EEF1D: variants seen among roughly 807,000 people sequenced by gnomAD.
EEF1D encodes the protein elongation factor 1-delta.
In EEF1D, 47 loss-of-function variants were observed where a neutral mutation model predicts 63.9. The ratio of observed to expected loss-of-function variants is 0.74; its 90% CI spans 0.58 to 0.94. The LOEUF (loss-of-function observed/expected upper bound fraction) is 0.94, where lower values mean the gene tolerates loss of function less well. EEF1D is among the 40% of genes least tolerant of loss of function. The pLI is 0.00. For synonymous variants in EEF1D, 412 were observed against 386.1 expected, an observed-to-expected ratio of 1.07 and a Z score of -0.79; for missense variants, 907 against 899.0, an observed-to-expected ratio of 1.01 and a Z score of -0.11.
At position 143,592,632 on chromosome 8, in the gene EEF1D, C is replaced by T; in HGVS notation, c.-1+15G>A. On this transcript the variant is annotated intron_variant, in intron 2 of 9. Transcript: ENST00000618139. The stretch of plus-strand genomic sequence containing the variant: ...AATGAAGGGGAATGGGGCATGAGGA[C>T]AGGCGAGTACTTACTTTGCTTTGGC... 1 of 985,572 alleles carries T rather than the reference C, an allele frequency of 1.0e-6. No individual in the cohort carries two copies. The highest frequency in any genetic ancestry group is 1.2e-6 in the Non-Finnish European group (1 of 830,004). The allele number at this position is 985,572 out of a possible 1,614,324, so 61.1% of individuals were successfully genotyped here.
intron 2 of EEF1D, 64 bp downstream of exon 2, chr8:143,592,583 C>A: frequency 1.0e-6 from 1 of 982,830 alleles, no homozygotes. Flanking sequence ...TCAGGTGCAG[C>A]GAGGGCTGGG....
intron 5 of EEF1D, among the ~76,000 whole-genome samples, chr8:143,584,731 T>A (rs1004882026): frequency 9.2e-5 from 14 of 152,070 alleles, no homozygotes; most frequent in African/African-American, 2.9e-4. Context: ...GAACATGCTG[T>A]TGGTAGGAAT....
chr8:143,594,698 C>CCAGCAGCACCCCTCT (rs1828507386), intron 1 of EEF1D, among the ~76,000 whole-genome samples: 1 of 152,232 alleles, frequency 6.6e-6, no homozygotes, highest in Non-Finnish European at 1.5e-5. Context: ...CCCACCCCTC[C>CCAGCAGCACCCCTCT]CAGCAGCACC....
chr8:143,595,604 C>T (rs890001661), intron 1 of EEF1D, among the ~76,000 whole-genome samples: 8 of 152,222 alleles, frequency 5.3e-5, no homozygotes, highest in Non-Finnish European at 7.3e-5. Flanking sequence ...TGGGAAACGC[C>T]AGCCTGTCCT....
At chr8:143,586,001 G>A (rs1014730624) in intron 5 of EEF1D, 9 of 465,894 alleles carry the variant, frequency 1.9e-5, no homozygotes, top group Admixed American at 3.7e-5. Flanking sequence ...ACCGCCAGCC[G>A]GCAGACGAGG....
Position 143,581,141 on chromosome 8 carries a change from C to T in EEF1D, c.1401G>A (p.Leu467=). The change falls in exon 7 of 10, where the codon CTG becomes CTA. Residue 467 remains leucine, a synonymous_variant. Coordinates refer to ENST00000618139, the MANE Select transcript of EEF1D (RefSeq NM_001130053.5). The part of the protein sequence containing the change: ...NQSLRGVVQE[L]QQAISKLEAR... Reference sequence around the variant, plus strand: ...CCTCCAGCTTGGAGATGGCCTGCTGCAGCTCCTGTACCACTGGGGGGGCAA... The same window carrying T: ...CCTCCAGCTTGGAGATGGCCTGCTGTAGCTCCTGTACCACTGGGGGGGCAA... 6.2e-7 allele frequency: 1 copy of T among 1,612,986 alleles called. No individual in the cohort carries two copies. The highest frequency in any genetic ancestry group is 1.1e-5 in the South Asian group (1 of 91,080).
At chr8:143,585,887 G>T in intron 5 of EEF1D, 1 of 353,902 alleles carries the variant, frequency 2.8e-6, no homozygotes, top group Non-Finnish European at 5.1e-6. Flanking sequence ...TCCTGCCACA[G>T]GGAGCAAGCA....
At position 143,589,257 on chromosome 8, in the gene EEF1D, G is replaced by A. The variant is rs2131113904; in HGVS notation, c.825C>T (p.Arg275=). The part of the protein sequence containing the change: ...AGLAEGARRG[R]RDRRGRNILG... ...AGATGTTGCGGCCCCGCCGGTCTCT[G>A]CGGCCCCGCCGGGCACCCTCGGCCA... Residue 275 remains arginine, a synonymous_variant, in exon 3 of 10, where the codon CGC becomes CGT. Transcript: ENST00000618139. 6.3e-7 allele frequency: 1 copy of A among 1,586,430 alleles called. No homozygotes were observed. Among genetic ancestry groups the A allele is most frequent in the East Asian group, 2.3e-5 (1 of 43,752 alleles).
intron 3 of EEF1D, chr8:143,588,739 T>C (rs950969499): frequency 1.1e-5 from 6 of 548,060 alleles, no homozygotes; most frequent in South Asian, 4.5e-5. Flanking sequence ...GATTCTGCCC[T>C]GTGCTGAGCC....
At position 143,589,991 on chromosome 8, in the gene EEF1D, C is replaced by T. The variant is rs746432478; in HGVS notation, c.91G>A (p.Glu31Lys). 1.3e-4 allele frequency: 202 copies of T among 1,599,332 alleles called. No individual in the cohort carries two copies. Among genetic ancestry groups the T allele is most frequent in the Non-Finnish European group, 1.7e-4 (196 of 1,179,730 alleles). The change falls in exon 3 of 10, where the codon GAG (glutamate) becomes AAG (lysine). Residue 31 changes from glutamate to lysine, a missense_variant. Glu to Lys is a moderately conservative substitution (Grantham distance 56, BLOSUM62 1). Transcript: ENST00000618139. ...GCGGAGGCGGCCGCCTGTGTGGCCT[C>T]GTGTTCGTAGAAGCGCCGCTCGGCC... ...EEAERRFYEH[E>K]ATQAAASAQQ...
intron 5 of EEF1D, chr8:143,581,704 G>C: frequency 4.1e-6 from 1 of 246,378 alleles, no homozygotes. Flanking sequence ...GGACCAGGCA[G>C]CACTGGAAAT....
chr8:143,594,590 G>A (rs1455611375), intron 1 of EEF1D: 2 of 152,508 alleles, frequency 1.3e-5, no homozygotes, highest in Non-Finnish European at 2.9e-5. Context: ...CATCACAGTC[G>A]CACACACAGA....
At position 143,580,614 on chromosome 8, in the gene EEF1D, G is replaced by A. The variant is rs979560117; in HGVS notation, c.1602C>T (p.Asp534=). The change falls in exon 8 of 10, where the codon GAC becomes GAT. Residue 534 remains aspartate (D), a synonymous_variant. Transcript: ENST00000618139. ...CCTCCCGCAGCTGTGCCGCCTCCTT[G>A]TCCTCCTCCTCATTGTCACTGCCAA... The part of the protein sequence containing the change: ...DLFGSDNEEE[D]KEAAQLREER... 9.3e-6 allele frequency: 15 copies of A among 1,613,714 alleles called. No individual in the cohort carries two copies. The highest frequency in any genetic ancestry group is 4.0e-5 in the African/African-American group (3 of 74,936).
intron 3 of EEF1D, among the ~76,000 whole-genome samples, chr8:143,588,315 T>C (rs968182077): frequency 1.3e-5 from 2 of 152,156 alleles, no homozygotes; most frequent in African/African-American, 4.8e-5. Flanking sequence ...GCCACTTCCA[T>C]GCCCTCTGTA....
Position 143,592,636 on chromosome 8 carries a change from C to T in EEF1D, c.-1+11G>A, listed in dbSNP as rs569913562. 6 of 985,582 alleles carry T rather than the reference C, an allele frequency of 6.1e-6. No individual in the cohort carries two copies. In the South Asian group the frequency reaches 1.4e-4, roughly 23 times the overall value. The allele number at this position is 985,582 out of a possible 1,614,324, so 61.1% of individuals were successfully genotyped here. A position where few individuals can be genotyped will look rare whatever the true frequency, so the allele number is the denominator to read the frequency against. On this transcript the variant is annotated intron_variant, in intron 2 of 9. Transcript: ENST00000618139. ...AAGGGGAATGGGGCATGAGGACAGG[C>T]GAGTACTTACTTTGCTTTGGCCTCC...
At chr8:143,586,938 G>A (rs1826773280) in intron 3 of EEF1D, 86 bp from the exon 4 acceptor site, 9 of 1,550,732 alleles carry the variant, frequency 5.8e-6, no homozygotes, top group Non-Finnish European at 7.0e-6. Flanking sequence ...GTGCAGTGGG[G>A]CTGACACCCG....
At chr8:143,581,575 G>A in intron 5 of EEF1D, 1 of 567,996 alleles carries the variant, frequency 1.8e-6, no homozygotes, top group Non-Finnish European at 3.1e-6. Flanking sequence ...GAGGCTGTGG[G>A]GAGCTGGGCC....
chr8:143,582,878 A>G (rs1563959138), intron 5 of EEF1D: 1 of 152,240 alleles, frequency 6.6e-6, no homozygotes, highest in Non-Finnish European at 1.5e-5. Context: ...TCAGAGCCAG[A>G]CCCATGCCTG....
At position 143,590,073 on chromosome 8, in the gene EEF1D, GCTC is replaced by G. The variant is rs1273135040; in HGVS notation, c.6_8del (p.Arg2del). 3.8e-6 allele frequency: 6 copies of G among 1,598,414 alleles called. No homozygotes were observed. Among genetic ancestry groups the G allele is most frequent in the Non-Finnish European group, 5.1e-6 (6 of 1,179,870 alleles). On this transcript the variant is annotated inframe_deletion, in exon 3 of 10. Coordinates refer to ENST00000618139, the MANE Select transcript of EEF1D (RefSeq NM_001130053.5). ...TCTCCAGGGTGCAGGAGGCCTTCCCGCTCCTCATCTTCCGGACACAGCGATAAA... is the reference window on the plus strand; with the variant it reads ...TCTCCAGGGTGCAGGAGGCCTTCCCGCTCATCTTCCGGACACAGCGATAAA...
Sources: gnomAD v4.1 joint callset for allele counts (sites outside exome capture counted in the v4.1 genomes callset) on GRCh38, gnomAD v4.1.1 for gene constraint, MANE v1.5 for transcripts, NCBI Gene and HGNC (gene_info 2026-07-23, HGNC 2026-07-21) for gene names.